Variants in ZNF804B observed in about 807,000 individuals in gnomAD.
ZNF804B encodes zinc finger protein 804B.
Under a neutral mutation model 101.4 loss-of-function variants are expected in ZNF804B, and 80 were observed. The observed-to-expected ratio is 0.79, with a 90% CI of 0.66 to 0.95. ZNF804B has a LOEUF of 0.95. ZNF804B is among the 40% of genes least tolerant of loss of function. The pLI is 0.00. For missense variants in ZNF804B, 1,673 were observed against 1,561.9 expected (o/e 1.07, Z -1.20); for synonymous variants, 622 against 558.8 (o/e 1.11, Z -1.59).
chr7:88,984,559 C>T (rs1793733994), intron 1 of ZNF804B, among the ~76,000 whole-genome samples: 1 of 151,954 alleles, frequency 6.6e-6, no homozygotes, highest in Admixed American at 6.6e-5. Flanking sequence ...TTGTGCCAGA[C>T]TTCTGAATAG....
chr7:89,127,948 G>C (rs575486701), intron 1 of ZNF804B, among the ~76,000 whole-genome samples: 3 of 151,242 alleles, frequency 2.0e-5, no homozygotes, highest in Non-Finnish European at 4.4e-5. Context: ...TACCATTTTT[G>C]ATCAGTTTTA....
At chr7:88,840,000 G>T (rs762070116) in intron 1 of ZNF804B, among the ~76,000 whole-genome samples, 1 of 152,114 alleles carries the variant, frequency 6.6e-6, no homozygotes, top group African/African-American at 2.4e-5. Context: ...TGTTCTCCAG[G>T]TTTCTGAAAG....
At chr7:88,865,087 G>A (rs1014364070) in intron 1 of ZNF804B, among the ~76,000 whole-genome samples, 3 of 151,750 alleles carry the variant, frequency 2.0e-5, no homozygotes, top group African/African-American at 4.8e-5. Context: ...AATTAGACAG[G>A]CGTGGTGACC....
chr7:88,776,283 G>A (rs371154054), intron 1 of ZNF804B, among the ~76,000 whole-genome samples: 18 of 152,266 alleles, frequency 1.2e-4, no homozygotes, highest in African/African-American at 4.1e-4. Flanking sequence ...TAGTGACGGG[G>A]AACTTAAAAT....
At chr7:88,994,727 C>T (rs985863308) in intron 1 of ZNF804B, among the ~76,000 whole-genome samples, 1 of 152,024 alleles carries the variant, frequency 6.6e-6, no homozygotes, top group Non-Finnish European at 1.5e-5. Context: ...TTTGATGCTA[C>T]AGTTTCTCAA....
chr7:88,880,636 A>C (rs1342858624), intron 1 of ZNF804B, among the ~76,000 whole-genome samples: 1 of 152,110 alleles, frequency 6.6e-6, no homozygotes, highest in Non-Finnish European at 1.5e-5. Flanking sequence ...AATATTATGC[A>C]GTAGAATTTA....
At chr7:89,003,809 A>G (rs1039667942) in intron 1 of ZNF804B, among the ~76,000 whole-genome samples, 1 of 151,914 alleles carries the variant, frequency 6.6e-6, no homozygotes, top group Non-Finnish European at 1.5e-5. Flanking sequence ...CTCTTTTCAT[A>G]GCCACAACAT....
intron 1 of ZNF804B, among the ~76,000 whole-genome samples, chr7:89,134,929 G>A (rs2116384664): frequency 6.6e-6 from 1 of 151,604 alleles, no homozygotes; most frequent in South Asian, 2.1e-4. Flanking sequence ...TGTTATTTTT[G>A]GTCAGTTTTA....
At chr7:88,845,581 G>GT (rs576402162) in intron 1 of ZNF804B, among the ~76,000 whole-genome samples, 2,486 of 147,806 alleles carry the variant, frequency 0.017, 38 homozygotes, top group African/African-American at 0.034. Flanking sequence ...TTTGCTCAGG[G>GT]TTTTTTTTTT....
intron 1 of ZNF804B, among the ~76,000 whole-genome samples, chr7:89,059,789 G>A (rs942499207): frequency 1.3e-5 from 2 of 152,054 alleles, no homozygotes; most frequent in African/African-American, 4.8e-5. Flanking sequence ...TAAAAACCTG[G>A]TAAAGCATTA....
chr7:89,171,359 C>CTCT (rs1791229862), intron 1 of ZNF804B, among the ~76,000 whole-genome samples: 16 of 66,924 alleles, frequency 2.4e-4, no homozygotes, highest in Non-Finnish European at 3.6e-4. Context: ...CTTCTTCTTC[C>CTCT]TCCTCTTCCT....
intron 1 of ZNF804B, among the ~76,000 whole-genome samples, chr7:89,001,468 A>G (rs1055260909): frequency 6.6e-6 from 1 of 151,838 alleles, no homozygotes; most frequent in African/African-American, 2.4e-5. Flanking sequence ...CAATCATGCT[A>G]TTACATTTTG....
chr7:88,916,176 C>T (rs1416752654), intron 1 of ZNF804B, among the ~76,000 whole-genome samples: 1 of 151,928 alleles, frequency 6.6e-6, no homozygotes, highest in Non-Finnish European at 1.5e-5. Context: ...TTACATTTTC[C>T]ATTATTTATT....
chr7:89,045,107 G>C (rs1789085254), intron 1 of ZNF804B, among the ~76,000 whole-genome samples: 1 of 152,196 alleles, frequency 6.6e-6, no homozygotes, highest in Admixed American at 6.5e-5. Context: ...GGGCTAAAAG[G>C]AACAAAGGTA....
At chr7:89,278,612 T>G (rs887661921) in intron 2 of ZNF804B, among the ~76,000 whole-genome samples, 17 of 152,078 alleles carry the variant, frequency 1.1e-4, no homozygotes, top group Admixed American at 1.1e-3. Context: ...TAAGGAATCC[T>G]TTCCCCATTG....
chr7:89,235,367 A>G (rs1789264876), intron 2 of ZNF804B, among the ~76,000 whole-genome samples: 1 of 152,204 alleles, frequency 6.6e-6, no homozygotes, highest in African/African-American at 2.4e-5. Flanking sequence ...CAAAAGCTAA[A>G]TGGAAGTAAA....
chr7:89,218,365 G>T, intron 2 of ZNF804B, 70 bp downstream of exon 2: 1 of 1,558,642 alleles, frequency 6.4e-7, no homozygotes, highest in Non-Finnish European at 8.7e-7. Context: ...GTATGAATTT[G>T]ACCTTATTTA....
In ZNF804B at chr7:88,812,646, TGTG is replaced by T. The variant is rs71900444; in HGVS notation, c.108+52566_108+52568del. 2.2e-3 allele frequency among the ~76,000 whole-genome samples: 331 copies of T among 152,286 alleles called. 1 individual carries two copies. Among genetic ancestry groups the T allele is most frequent in the African/African-American group, 7.6e-3 (314 of 41,562 alleles). On this transcript the variant is annotated intron_variant, in intron 1 of 3. Coordinates refer to ENST00000333190, the MANE Select transcript of ZNF804B (RefSeq NM_181646.5). Reference sequence around the variant, plus strand: ...ACTGATGAATGAATTGATTTAAAAATGTGGTGTGTGTATGTATATATATGTACA... The same window carrying T: ...ACTGATGAATGAATTGATTTAAAAATGTGTGTGTATGTATATATATGTACA...
chr7:89,058,849 A>T (rs1408088151), intron 1 of ZNF804B, among the ~76,000 whole-genome samples: 6 of 152,120 alleles, frequency 3.9e-5, no homozygotes, highest in African/African-American at 1.4e-4. Flanking sequence ...CTGTGCCACC[A>T]TATCCAGCTA....
Sources: allele counts gnomAD v4.1 joint callset (sites outside exome capture counted in the v4.1 genomes callset), GRCh38; gene constraint gnomAD v4.1.1; transcripts MANE v1.5; gene names NCBI Gene and HGNC (gene_info 2026-07-23, HGNC 2026-07-21).